OTOGL: variants seen among roughly 807,000 people sequenced by gnomAD.
OTOGL encodes otogelin like, also known as otogelin-like protein.
Under a neutral mutation model 318.5 loss-of-function variants are expected in OTOGL, and 285 were observed. That is an observed-to-expected ratio of 0.89 (90% CI 0.81 to 0.99). The LOEUF is 0.99. OTOGL is among the 50% of genes least tolerant of loss of function. The probability of loss-of-function intolerance (pLI) is 0.00; values close to 1 mark genes in which losing one functional copy is unlikely to be tolerated. For missense variants in OTOGL, 2,899 were observed against 2,845.6 expected (o/e 1.02, Z -0.43); for synonymous variants, 987 against 936.5 (o/e 1.05, Z -0.99).
At chr12:80,220,455 G>A (rs999497512) in intron 6 of OTOGL, among the ~76,000 whole-genome samples, 12 of 151,998 alleles carry the variant, frequency 7.9e-5, no homozygotes, top group Non-Finnish European at 1.8e-4. Flanking sequence ...CACTGTGCCT[G>A]GCCAGTAATA....
chr12:80,119,647 CT>C (rs1193719090), intron 1 of OTOGL, among the ~76,000 whole-genome samples: 2 of 152,112 alleles, frequency 1.3e-5, no homozygotes, highest in African/African-American at 4.8e-5. Flanking sequence ...CCCCCATGTA[CT>C]CTGTTACTGT....
At chr12:80,343,021 G>A (rs1413680228) in intron 44 of OTOGL, among the ~76,000 whole-genome samples, 3 of 152,026 alleles carry the variant, frequency 2.0e-5, no homozygotes, top group African/African-American at 7.2e-5. Flanking sequence ...AGCTGGGACT[G>A]CAGGTGCCGG....
chr12:80,278,915 G>A, intron 25 of OTOGL, 113 bp from the exon 26 acceptor site: 1 of 1,201,928 alleles, frequency 8.3e-7, no homozygotes, highest in South Asian at 1.3e-5. Context: ...ATATTCGTAA[G>A]GGATATTGAC....
chr12:80,125,019 A>G (rs557547796), intron 1 of OTOGL, among the ~76,000 whole-genome samples: 1 of 152,328 alleles, frequency 6.6e-6, no homozygotes, highest in East Asian at 1.9e-4. Context: ...TCCTAATTGA[A>G]TACCCTTTAT....
At chr12:80,377,679 A>G (rs1243791806) in intron 58 of OTOGL, among the ~76,000 whole-genome samples, 169 bp from the exon 59 acceptor site, 1 of 152,144 alleles carries the variant, frequency 6.6e-6, no homozygotes, top group Admixed American at 6.6e-5. Flanking sequence ...CCTTTGACTT[A>G]TGTGACTGAT....
Position 80,378,329 on chromosome 12 carries a change from C to G in OTOGL, c.*281C>G, listed in dbSNP as rs1451484111. On this transcript the variant is annotated 3_prime_UTR_variant, in exon 59 of 59. Transcript: ENST00000547103. ...CAACTTGGTGCAGATACAGTATATT[C>G]TCATCAACTGGAAGGTTATTTTGCA... 1 of 257,210 alleles carries G rather than the reference C, an allele frequency of 3.9e-6. No individual in the cohort carries two copies. Among genetic ancestry groups the G allele is most frequent in the South Asian group, 8.6e-5 (1 of 11,692 alleles). 15.9% of individuals were successfully genotyped at this position (257,210 alleles called of 1,614,324 possible).
rs58356365 is a variant in OTOGL, at chr12:80,341,616, A to T, written c.5051-332A>T. ...AAAGTACCTTGCCAGGCCACTAGTTACTAAGTTAGAAGATGGTGGTAGTAA... is the reference window on the plus strand; with the variant it reads ...AAAGTACCTTGCCAGGCCACTAGTTTCTAAGTTAGAAGATGGTGGTAGTAA... On this transcript the variant is annotated intron_variant, in intron 43 of 58. Transcript: ENST00000547103. Among the ~76,000 whole-genome samples, 94 of 152,292 alleles carry T rather than the reference A, an allele frequency of 6.2e-4. 2 individuals are homozygous for T. The East Asian group carries it at 0.016, about 26-fold the overall frequency.
chr12:80,161,717 G>C (rs1487595143), intron 1 of OTOGL, among the ~76,000 whole-genome samples: 2 of 152,038 alleles, frequency 1.3e-5, no homozygotes, highest in East Asian at 3.9e-4. Context: ...GCAAGGTTTG[G>C]GATAAGAGGA....
At position 80,262,034 on chromosome 12, in the gene OTOGL, C is replaced by T. The variant is rs756018330; in HGVS notation, c.1955C>T (p.Thr652Ile). 6.2e-7 allele frequency: 1 copy of T among 1,613,072 alleles called. No homozygotes were observed. Among genetic ancestry groups the T allele is most frequent in the South Asian group, 1.1e-5 (1 of 91,038 alleles). Reference protein sequence around the residue: ...LHANAWRVSSTCFAPVHVPVV... With the variant: ...LHANAWRVSSICFAPVHVPVV... ...GCAAATGCGTGGAGAGTTTCTTCTACCTGTTTTGCACCTGTTCATGTCCCA... is the reference window on the plus strand; with the variant it reads ...GCAAATGCGTGGAGAGTTTCTTCTATCTGTTTTGCACCTGTTCATGTCCCA... Residue 652 changes from threonine (T) to isoleucine (I), a missense_variant, in exon 19 of 59, where the codon ACC becomes ATC. This residue lies in a region of OTOGL where 2,607 missense variants were observed against 2,524.9 expected (regional missense o/e 1.03). Transcript: ENST00000547103.
intron 26 of OTOGL, among the ~76,000 whole-genome samples, chr12:80,286,715 G>C (rs1310776526): frequency 6.6e-6 from 1 of 152,062 alleles, no homozygotes; most frequent in Non-Finnish European, 1.5e-5. Flanking sequence ...GATCAGTGGT[G>C]ATCTCCCCTT....
intron 58 of OTOGL, among the ~76,000 whole-genome samples, 158 bp from the exon 59 acceptor site, chr12:80,377,690 G>A (rs1891243203): frequency 6.6e-6 from 1 of 152,050 alleles, no homozygotes; most frequent in African/African-American, 2.4e-5. Context: ...TGTGACTGAT[G>A]TTTCATTTAT....
intron 8 of OTOGL, 84 bp from the exon 9 acceptor site, chr12:80,232,808 T>A: frequency 1.8e-6 from 2 of 1,140,976 alleles, no homozygotes; most frequent in Non-Finnish European, 2.5e-6. Flanking sequence ...TTTCTTTTAA[T>A]TGTATCTCAG....
In OTOGL at chr12:80,335,996, C is replaced by A. The variant is rs768995153; in HGVS notation, c.4456C>A (p.Gln1486Lys). The change falls in exon 39 of 59, where the codon CAA (glutamine) becomes AAA (lysine). Residue 1486 changes from glutamine (Q) to lysine (K), a missense_variant. By Grantham distance (53) the Gln-to-Lys change is moderately conservative (BLOSUM62 1). Around this residue, in one of 3 missense-constraint regions of OTOGL, gnomAD observed 2,607 missense variants for 2,524.9 expected, o/e 1.03. Transcript: ENST00000547103. ...QKFDPVYDCSQYICLNMEWQL... is the reference protein window; with the variant it reads ...QKFDPVYDCSKYICLNMEWQL... Reference sequence around the variant, plus strand: ...ATTTGATCCTGTTTATGATTGTAGCCAATACATATGCCTTAATATGGAATG... The same window carrying A: ...ATTTGATCCTGTTTATGATTGTAGCAAATACATATGCCTTAATATGGAATG... 2.1e-5 allele frequency: 33 copies of A among 1,594,918 alleles called. No homozygotes were observed. The highest frequency in any genetic ancestry group is 2.6e-5 in the Non-Finnish European group (31 of 1,177,866).
rs1014653232 is a variant in OTOGL, at chr12:80,356,021, A to G, written c.5806+73A>G. ...GATATTCTTTGTGAAAAAGCAGAGC[A>G]TATATAATGCTTTGTATTTTTAAAA... On this transcript the variant is annotated intron_variant, in intron 47 of 58. Coordinates refer to ENST00000547103, the MANE Select transcript of OTOGL (RefSeq NM_001378609.3). The G allele has an allele frequency of 6.8e-6, 10 of 1,479,610 alleles. No homozygotes were observed. The Admixed American group carries it at 7.1e-5, about 10-fold the overall frequency. The allele number at this position is 1,479,610 out of a possible 1,614,324, so 91.7% of individuals were successfully genotyped here. A position where few individuals can be genotyped will look rare whatever the true frequency, so the allele number is the denominator to read the frequency against.
At chr12:80,291,571 C>T (rs1190384195) in intron 26 of OTOGL, among the ~76,000 whole-genome samples, 2 of 151,884 alleles carry the variant, frequency 1.3e-5, no homozygotes, top group African/African-American at 2.4e-5. Context: ...AAGTGATGTG[C>T]TTTACTTACT....
intron 1 of OTOGL, among the ~76,000 whole-genome samples, chr12:80,197,858 A>T (rs1202584432): frequency 1.3e-5 from 2 of 152,242 alleles, no homozygotes; most frequent in Admixed American, 1.3e-4. Flanking sequence ...TGGGGACTCT[A>T]TCGTATGAAA....
Position 80,239,379 on chromosome 12 carries a change from G to C in OTOGL, c.992G>C (p.Ser331Thr). ...ATACTGTTGCAGTTTCCTTTTCTGA[G>C]CTGCCATGAGTATATCGATCCATAC... ...CQILLQFPFL[S>T]CHEYIDPYLY... The change falls in exon 11 of 59, where the codon AGC becomes ACC. Residue 331 changes from serine (S) to threonine (T), a missense_variant. This residue lies in a region of OTOGL where 2,607 missense variants were observed against 2,524.9 expected (regional missense o/e 1.03). Coordinates refer to ENST00000547103, the MANE Select transcript of OTOGL (RefSeq NM_001378609.3). 1.9e-6 allele frequency: 3 copies of C among 1,610,750 alleles called. No homozygotes were observed. The highest frequency in any genetic ancestry group is 2.5e-6 in the Non-Finnish European group (3 of 1,178,540).
intron 1 of OTOGL, among the ~76,000 whole-genome samples, chr12:80,103,677 A>G (rs1342200150): frequency 1.3e-5 from 2 of 152,234 alleles, no homozygotes; most frequent in Non-Finnish European, 2.9e-5. Flanking sequence ...AGTGCCTTGC[A>G]CATAGTTGGC....
Position 80,251,688 on chromosome 12 carries a change from T to G in OTOGL, c.1053-5T>G, listed in dbSNP as rs776529008. On this transcript the variant is annotated splice_polypyrimidine_tract_variant and splice_region_variant and intron_variant, in intron 11 of 58. Coordinates refer to ENST00000547103, the MANE Select transcript of OTOGL (RefSeq NM_001378609.3). ...TGATTCTGGCTCTGTCTTTTCACTT[T>G]CTAGAACTGATGATGATGAAACCTA... 2 of 1,576,458 alleles carry G rather than the reference T, an allele frequency of 1.3e-6. No individual in the cohort carries two copies. Among genetic ancestry groups the G allele is most frequent in the South Asian group, 1.2e-5 (1 of 85,784 alleles).
Sources: gnomAD v4.1 joint callset for allele counts (sites outside exome capture counted in the v4.1 genomes callset) on GRCh38, gnomAD v4.1.1 for gene constraint, gnomAD v4.1.1 regional missense constraint, MANE v1.5 for transcripts, NCBI Gene and HGNC (gene_info 2026-07-23, HGNC 2026-07-21) for gene names.